APPBP2: variants seen among roughly 807,000 people sequenced by gnomAD.
APPBP2 encodes the protein amyloid protein-binding protein 2.
Under a neutral mutation model 76.0 loss-of-function variants are expected in APPBP2, and 15 were observed. The ratio of observed to expected loss-of-function variants is 0.20; its 90% CI spans 0.13 to 0.30. The LOEUF (loss-of-function observed/expected upper bound fraction) is 0.30. Among genes scored for constraint, APPBP2 ranks in the 10% least tolerant of loss-of-function variants. The pLI is 1.00. For synonymous variants in APPBP2, 222 were observed against 242.2 expected (o/e 0.92, Z 0.77); for missense variants, 401 against 687.2 (o/e 0.58, Z 4.66).
At chr17:60,477,359 T>C (rs1379938692) in intron 4 of APPBP2, 1 of 152,248 alleles carries the variant, frequency 6.6e-6, no homozygotes, top group Non-Finnish European at 1.5e-5. Flanking sequence ...AGAAAGTGTT[T>C]TATCTTTTGG....
chr17:60,482,913 T>C (rs944098295), intron 3 of APPBP2, among the ~76,000 whole-genome samples: 6 of 152,196 alleles, frequency 3.9e-5, no homozygotes, highest in African/African-American at 1.4e-4. Flanking sequence ...GTCTTTATAG[T>C]AGCATGATTT....
intron 4 of APPBP2, among the ~76,000 whole-genome samples, chr17:60,477,152 C>T (rs7214103): frequency 0.082 from 12,490 of 152,146 alleles, 1,699 homozygotes; most frequent in African/African-American, 0.28. Flanking sequence ...CACTTGCAGC[C>T]ATAATGATGT....
In APPBP2 at chr17:60,525,778, G is replaced by A. The variant is rs762175730; in HGVS notation, c.138+16C>T. The A allele has an allele frequency of 1.1e-5, 18 of 1,613,514 alleles. No individual in the cohort carries two copies. The highest frequency in any genetic ancestry group is 1.5e-5 in the Non-Finnish European group (18 of 1,179,852). On this transcript the variant is annotated intron_variant, in intron 1 of 12. Transcript: ENST00000083182. Reference sequence around the variant, plus strand: ...GGTTGCTGGAGGAGAGCAGAGAGGAGGCCCACGGCGCATACCTTGTAGTAA... The same window carrying A: ...GGTTGCTGGAGGAGAGCAGAGAGGAAGCCCACGGCGCATACCTTGTAGTAA...
chr17:60,493,952 T>A (rs983479025), intron 3 of APPBP2, among the ~76,000 whole-genome samples: 1 of 152,214 alleles, frequency 6.6e-6, no homozygotes, highest in African/African-American at 2.4e-5. Context: ...CACATATTTT[T>A]AAGGTCTCAC....
chr17:60,504,119 C>T (rs2090846186), intron 1 of APPBP2, among the ~76,000 whole-genome samples: 1 of 152,064 alleles, frequency 6.6e-6, no homozygotes, highest in Non-Finnish European at 1.5e-5. Context: ...TAATGATTCT[C>T]ATATAAGATT....
chr17:60,512,349 C>T (rs1014489823), intron 1 of APPBP2, among the ~76,000 whole-genome samples: 3 of 151,838 alleles, frequency 2.0e-5, no homozygotes, highest in South Asian at 2.1e-4. Context: ...GTGATCCGCC[C>T]GCCTCGGCCT....
chr17:60,478,796 G>C (rs975067947), intron 4 of APPBP2, among the ~76,000 whole-genome samples: 1 of 152,174 alleles, frequency 6.6e-6, no homozygotes, highest in Non-Finnish European at 1.5e-5. Flanking sequence ...TGTAATCCCA[G>C]CTACTTGGGA....
chr17:60,506,752 T>A (rs140074289), intron 1 of APPBP2, among the ~76,000 whole-genome samples: 1 of 152,168 alleles, frequency 6.6e-6, no homozygotes, highest in Non-Finnish European at 1.5e-5. Flanking sequence ...AAAAAACATT[T>A]TCCCCCCGGG....
chr17:60,498,101 T>C (rs1032980617), intron 2 of APPBP2, among the ~76,000 whole-genome samples: 1 of 151,176 alleles, frequency 6.6e-6, no homozygotes, highest in Non-Finnish European at 1.5e-5. Flanking sequence ...CACTCCAGGC[T>C]GGGTGATGGA....
chr17:60,483,811 A>G (rs1483574679), intron 3 of APPBP2, among the ~76,000 whole-genome samples: 2 of 152,150 alleles, frequency 1.3e-5, no homozygotes, highest in Non-Finnish European at 1.5e-5. Context: ...GCCCGTGCCT[A>G]TGTCCTGAAT....
chr17:60,515,622 T>A (rs751086161), intron 1 of APPBP2, among the ~76,000 whole-genome samples: 1 of 151,992 alleles, frequency 6.6e-6, no homozygotes, highest in Non-Finnish European at 1.5e-5. Flanking sequence ...TTTCAACAAC[T>A]AAATTTTGCC....
chr17:60,506,315 G>A (rs550800735), intron 1 of APPBP2, among the ~76,000 whole-genome samples: 1 of 152,190 alleles, frequency 6.6e-6, no homozygotes, highest in Admixed American at 6.5e-5. Flanking sequence ...CTATATTTCT[G>A]ACCTCATCGT....
At chr17:60,481,143 G>A (rs762437850) in intron 3 of APPBP2, among the ~76,000 whole-genome samples, 125 of 152,232 alleles carry the variant, frequency 8.2e-4, no homozygotes, top group Non-Finnish European at 7.6e-4. Context: ...GCTTCATGGG[G>A]CAAACCCCTC....
At position 60,443,162 on chromosome 17, in the gene APPBP2, G is replaced by A. The variant is rs983754063; in HGVS notation, c.*4419C>T. On this transcript the variant is annotated 3_prime_UTR_variant, in exon 13 of 13. Coordinates refer to ENST00000083182, the MANE Select transcript of APPBP2 (RefSeq NM_006380.5). ...TGGAAACAGATACACTATGAATGCA[G>A]GAACACTATATTTATTAGGTCAATA... 5.2e-5 allele frequency: 8 copies of A among 152,576 alleles called. No individual in the cohort carries two copies. The highest frequency in any genetic ancestry group is 5.2e-4 in the Admixed American group (8 of 15,264). The allele number at this position is 152,576 out of a possible 1,614,324, so 9.5% of individuals were successfully genotyped here.
chr17:60,505,676 GTTTTTTTT>G (rs1170935393), intron 1 of APPBP2, among the ~76,000 whole-genome samples: 5 of 85,708 alleles, frequency 5.8e-5, no homozygotes, highest in East Asian at 6.5e-4. Context: ...GACCCCTGCG[GTTTTTTTT>G]TTTTTTTTTT....
chr17:60,509,236 C>T (rs978640873), intron 1 of APPBP2, among the ~76,000 whole-genome samples: 9 of 151,896 alleles, frequency 5.9e-5, no homozygotes, highest in African/African-American at 1.7e-4. Flanking sequence ...AAAAATTGGC[C>T]AGGCATGGTG....
At position 60,466,277 on chromosome 17, in the gene APPBP2, C is replaced by T. The variant is rs761698098; in HGVS notation, c.672+14G>A. The T allele has an allele frequency of 3.7e-6, 6 of 1,609,406 alleles. No homozygotes were observed. In the African/African-American group the frequency reaches 8.0e-5, roughly 22 times the overall value. On this transcript the variant is annotated intron_variant, in intron 5 of 12. Coordinates refer to ENST00000083182, the MANE Select transcript of APPBP2 (RefSeq NM_006380.5). ...ACTTATTGGTCACAGTGAAATGTAC[C>T]TTAAAACACTTACCTCATCATAGTG...
chr17:60,491,597 A>G lies in APPBP2; in HGVS notation c.379+2869T>C, dbSNP rs115356838. 2.0e-3 allele frequency among the ~76,000 whole-genome samples: 300 copies of G among 152,142 alleles called. 2 individuals are homozygous for G. The highest frequency in any genetic ancestry group is 6.7e-3 in the African/African-American group (278 of 41,506). Reference sequence around the variant, plus strand: ...GTAGCTGAGATTACAGGCACCCGCCAACAGGCCCGGCTAGTTTTTGTATTT... The same window carrying G: ...GTAGCTGAGATTACAGGCACCCGCCGACAGGCCCGGCTAGTTTTTGTATTT... On this transcript the variant is annotated intron_variant, in intron 3 of 12. Coordinates refer to ENST00000083182, the MANE Select transcript of APPBP2 (RefSeq NM_006380.5).
At chr17:60,466,243 T>C (rs1405812656) in intron 5 of APPBP2, 48 bp downstream of exon 5, 3 of 1,540,954 alleles carry the variant, frequency 1.9e-6, no homozygotes, top group Non-Finnish European at 2.7e-6. Flanking sequence ...ACCCTCTGTT[T>C]TTATAGGTAC....
Sources: gnomAD v4.1 joint callset for allele counts (sites outside exome capture counted in the v4.1 genomes callset) on GRCh38, gnomAD v4.1.1 for gene constraint, MANE v1.5 for transcripts, NCBI Gene and HGNC (gene_info 2026-07-23, HGNC 2026-07-21) for gene names.